Variants in DMD observed in about 807,000 individuals in gnomAD.
The protein encoded by DMD is dystrophin.
In DMD, 63 loss-of-function variants were observed where a neutral mutation model predicts 330.1. The observed-to-expected ratio is 0.19, with a 90% confidence interval of 0.16 to 0.24. The LOEUF (loss-of-function observed/expected upper bound fraction) is 0.24. Among genes scored for constraint, DMD ranks in the 10% least tolerant of loss-of-function variants. The pLI, the probability that DMD is intolerant of heterozygous loss-of-function variation, is 1.00. For synonymous variants in DMD, 1,223 were observed against 959.8 expected (o/e 1.27, Z -5.07); for missense variants, 3,344 against 2,684.1 (o/e 1.25, Z -5.43).
chrX:32,787,175 C>G (rs1439786534), intron 7 of DMD, among the ~76,000 whole-genome samples: 2 of 107,570 alleles, frequency 1.9e-5, no homozygotes, highest in Non-Finnish European at 3.8e-5. Context: ...AGAAATCTAC[C>G]ATGTATCCAT....
intron 44 of DMD, among the ~76,000 whole-genome samples, chrX:32,200,464 G>A (rs777267960): frequency 2.4e-4 from 25 of 103,968 alleles, no homozygotes; most frequent in Non-Finnish European, 4.1e-4. Context: ...CAATACATAT[G>A]TAACGTGTTA....
At chrX:32,546,919 T>G (rs1346892486) in intron 16 of DMD, among the ~76,000 whole-genome samples, 1 of 112,048 alleles carries the variant, frequency 8.9e-6, no homozygotes, top group African/African-American at 3.2e-5. Context: ...AAAATTAGTT[T>G]TATTTCTAGT....
chrX:31,637,844 A>G, intron 54 of DMD, among the ~76,000 whole-genome samples: 1 of 111,994 alleles, frequency 8.9e-6, no homozygotes, highest in Non-Finnish European at 1.9e-5. Flanking sequence ...GTTATAAAAA[A>G]CTATTGTTCA....
At chrX:32,554,516 G>C (rs1416688615) in intron 16 of DMD, among the ~76,000 whole-genome samples, 1 of 110,222 alleles carries the variant, frequency 9.1e-6, no homozygotes, top group Non-Finnish European at 1.9e-5. Flanking sequence ...AGAAAACCTA[G>C]AGGAAATGGA....
At chrX:31,352,238 G>C (rs2058468897) in intron 60 of DMD, among the ~76,000 whole-genome samples, 1 of 110,576 alleles carries the variant, frequency 9.0e-6, no homozygotes, top group South Asian at 3.8e-4. Context: ...AAAGGTTGTG[G>C]GAAAACGCGT....
chrX:31,324,214 A>T (rs749630597), intron 61 of DMD, among the ~76,000 whole-genome samples: 5 of 111,448 alleles, frequency 4.5e-5, no homozygotes, highest in African/African-American at 6.5e-5. Flanking sequence ...ATGTCAGCTG[A>T]CCAGTGTGAT....
At position 32,491,526 on chromosome X, in the gene DMD, G is replaced by T. The variant is rs753846097; in HGVS notation, c.2381-8C>A. On this transcript the variant is annotated splice_region_variant and splice_polypyrimidine_tract_variant and intron_variant, in intron 19 of 78. Coordinates refer to ENST00000357033, the MANE Select transcript of DMD (RefSeq NM_004006.3). ...TATCTGCATTAACACCCTCTAGAAA[G>T]AAAAAAATAATTAAATATATCCCCT... is the stretch of plus-strand genomic sequence containing the variant. 3 of 1,202,099 alleles carry T rather than the reference G, an allele frequency of 2.5e-6. No individual in the cohort carries two copies. The East Asian group carries it at 9.0e-5, about 36-fold the overall frequency.
intron 1 of DMD, among the ~76,000 whole-genome samples, chrX:33,239,919 A>G (rs913409851): frequency 3.6e-5 from 4 of 111,729 alleles, no homozygotes; most frequent in Non-Finnish European, 7.5e-5. Flanking sequence ...TTTTTCAAGC[A>G]CAAAACTGCT....
At position 31,510,506 on chromosome X, in the gene DMD, C is replaced by CTTTT. The variant is rs756448666; in HGVS notation, c.8218-3057_8218-3054dup. 4.5e-3 allele frequency among the ~76,000 whole-genome samples: 379 copies of CTTTT among 84,483 alleles called. 6 individuals carry two copies. Among genetic ancestry groups the CTTTT allele is most frequent in the African/African-American group, 0.017 (360 of 21,252 alleles). The allele number at this position is 84,483 out of a possible 115,157, so 73.4% of individuals were successfully genotyped here. A position where few individuals can be genotyped will look rare whatever the true frequency, so the allele number is the denominator to read the frequency against. On this transcript the variant is annotated intron_variant, in intron 55 of 78. Coordinates refer to ENST00000357033, the MANE Select transcript of DMD (RefSeq NM_004006.3). Reference sequence around the variant, plus strand: ...AATGAAAAATTGAATTCTGACTGCTCTTTTTTTTTTTTTTTTTTTGAGACA... The same window carrying CTTTT: ...AATGAAAAATTGAATTCTGACTGCTCTTTTTTTTTTTTTTTTTTTTTTTGAGACA...
chrX:31,561,442 T>G (rs577710448), intron 55 of DMD, among the ~76,000 whole-genome samples: 31 of 111,990 alleles, frequency 2.8e-4, no homozygotes, highest in Middle Eastern at 4.6e-3. Flanking sequence ...AGTGAAAATC[T>G]GCTGTGCCTT....
chrX:32,435,570 A>AT (rs1289152524), intron 29 of DMD, among the ~76,000 whole-genome samples: 12 of 110,237 alleles, frequency 1.1e-4, no homozygotes, highest in African/African-American at 6.6e-5. Context: ...CCAGTTATCA[A>AT]TTTTTTGCCT....
intron 44 of DMD, among the ~76,000 whole-genome samples, chrX:32,205,043 C>A (rs2606680): frequency 0.079 from 2,613 of 32,970 alleles, 101 homozygotes; most frequent in African/African-American, 0.14. Context: ...ACACACACAC[C>A]CACACACACA....
At chrX:32,523,167 T>C (rs2148833479) in intron 17 of DMD, among the ~76,000 whole-genome samples, 1 of 111,281 alleles carries the variant, frequency 9.0e-6, no homozygotes, top group Admixed American at 9.6e-5. Context: ...CAGAAAACGA[T>C]ACCCCAAAGT....
At position 33,103,217 on chromosome X, in the gene DMD, T is replaced by G. The variant is rs767695776; in HGVS notation, c.32-83017A>C. On this transcript the variant is annotated intron_variant, in intron 1 of 78. Transcript: ENST00000357033. Reference sequence around the variant, plus strand: ...TATAAAATCTGTACATTAAGTTAATTTCTTTCAAAAATTAACTTTTGGTTC... The same window carrying G: ...TATAAAATCTGTACATTAAGTTAATGTCTTTCAAAAATTAACTTTTGGTTC... Among the ~76,000 whole-genome samples, 4 of 111,894 alleles carry G rather than the reference T, an allele frequency of 3.6e-5. No homozygotes were observed. In the South Asian group the frequency reaches 1.5e-3, roughly 42 times the overall value.
chrX:31,134,403 GA>G (rs951152034), intron 76 of DMD, among the ~76,000 whole-genome samples: 3 of 94,557 alleles, frequency 3.2e-5, no homozygotes, highest in East Asian at 6.6e-4. Context: ...TACCCTTGGA[GA>G]AAAAAAAACT....
At position 32,220,450 on chromosome X, in the gene DMD, CACTT is replaced by C. The variant is rs763320623; in HGVS notation, c.6291-3391_6291-3388del. On this transcript the variant is annotated intron_variant, in intron 43 of 78. Transcript: ENST00000357033. ...AAATCATGGGCTTTACATGTGATGA[CACTT>C]AATGTGAGTAATAATACTTTAGACT... Among the ~76,000 whole-genome samples, 37 of 111,131 alleles carry C rather than the reference CACTT, an allele frequency of 3.3e-4. No homozygotes were observed. In the East Asian group the frequency reaches 9.9e-3, roughly 30 times the overall value.
chrX:31,455,774 C>T (rs1311014935), intron 59 of DMD, among the ~76,000 whole-genome samples: 2 of 112,093 alleles, frequency 1.8e-5, no homozygotes, highest in South Asian at 3.7e-4. Context: ...AGGAAGTAGC[C>T]TATTCAAGGA....
chrX:32,904,889 T>TG (rs2086603295), intron 2 of DMD, among the ~76,000 whole-genome samples: 1 of 112,157 alleles, frequency 8.9e-6, no homozygotes, highest in Non-Finnish European at 1.9e-5. Flanking sequence ...AATGTTTTAA[T>TG]GGTGTATGAT....
rs1002205247 is a variant in DMD at position 31,246,050 on chromosome X, C to A, written c.9286+14905G>T. On this transcript the variant is annotated intron_variant, in intron 63 of 78. Coordinates refer to ENST00000357033, the MANE Select transcript of DMD (RefSeq NM_004006.3). ...ATGCCAAACAGTCAAGTTGTGAATG[C>A]AAAGGAAAAGTTAATGAAGGAAATT... Among the ~76,000 whole-genome samples the A allele has an allele frequency of 2.7e-5, 3 of 111,740 alleles. No individual in the cohort carries two copies. The East Asian group carries it at 8.4e-4, about 31-fold the overall frequency.
Sources: allele counts gnomAD v4.1 joint callset (sites outside exome capture counted in the v4.1 genomes callset), GRCh38; gene constraint gnomAD v4.1.1; transcripts MANE v1.5; gene names NCBI Gene and HGNC (gene_info 2026-07-23, HGNC 2026-07-21).